Variants in MYO1C observed in about 807,000 individuals in gnomAD.
The protein encoded by MYO1C is unconventional myosin-Ic.
Under a neutral mutation model 150.8 loss-of-function variants are expected in MYO1C, and 104 were observed. The ratio of observed to expected loss-of-function variants is 0.69; its 90% CI spans 0.59 to 0.81. The LOEUF (loss-of-function observed/expected upper bound fraction) is 0.81, where lower values mean the gene tolerates loss of function less well. MYO1C is among the 30% of genes least tolerant of loss of function. MYO1C has a pLI of 0.00. For synonymous variants in MYO1C, 663 were observed against 579.9 expected, an observed-to-expected ratio of 1.14 and a Z score of -2.06; for missense variants, 1,504 against 1,435.0, an observed-to-expected ratio of 1.05 and a Z score of -0.78.
chr17:1,467,238 T>A lies in MYO1C; in HGVS notation c.3165+4A>T. ...CCATAAGCGGGAAAGCAGGCCCCACTCACCACAGCCAGGTGCCCGTTCTTG... is the reference window on the plus strand; with the variant it reads ...CCATAAGCGGGAAAGCAGGCCCCACACACCACAGCCAGGTGCCCGTTCTTG... On this transcript the variant is annotated splice_donor_region_variant and intron_variant, in intron 31 of 31. Transcript: ENST00000648651. The A allele has an allele frequency of 1.9e-6, 3 of 1,610,022 alleles. No individual in the cohort carries two copies. Among genetic ancestry groups the A allele is most frequent in the Non-Finnish European group, 2.5e-6 (3 of 1,178,152 alleles).
Position 1,474,958 on chromosome 17 carries a change from T to TC in MYO1C, c.1648dup (p.Glu550GlyfsTer15). 6.3e-7 allele frequency: 1 copy of TC among 1,582,910 alleles called. No individual in the cohort carries two copies. The highest frequency in any genetic ancestry group is 8.6e-7 in the Non-Finnish European group (1 of 1,163,868). On this transcript the variant is annotated frameshift_variant, in exon 15 of 32. Coordinates refer to ENST00000648651, the MANE Select transcript of MYO1C (RefSeq NM_001080779.2). LOFTEE classifies it high-confidence loss of function. ...CTCACCGGTCACGCTGTAGGTCACCTCCCCCGCATAGTGCAGAAGGCGGAA... is the reference window on the plus strand; with the variant it reads ...CTCACCGGTCACGCTGTAGGTCACCTCCCCCCGCATAGTGCAGAAGGCGGAA...
chr17:1,485,056 T>A (rs1292011697), intron 1 of MYO1C: 3 of 1,204,978 alleles, frequency 2.5e-6, no homozygotes, highest in Admixed American at 2.3e-5. Context: ...TTCCTCCAGC[T>A]GCTGGGCTCC....
intron 17 of MYO1C, among the ~76,000 whole-genome samples, chr17:1,473,150 A>G (rs2074338447): frequency 6.6e-6 from 1 of 152,236 alleles, no homozygotes; most frequent in Non-Finnish European, 1.5e-5. Context: ...CAGTGAGCCG[A>G]GATCGCGCCA....
At chr17:1,489,137 G>A (rs1180839128) in intron 1 of MYO1C, among the ~76,000 whole-genome samples, 1 of 152,224 alleles carries the variant, frequency 6.6e-6, no homozygotes, top group African/African-American at 2.4e-5. Flanking sequence ...TGTCTCACGG[G>A]TGGCACAGAG....
chr17:1,487,343 TG>T (rs2074675431), intron 1 of MYO1C, among the ~76,000 whole-genome samples: 1 of 152,210 alleles, frequency 6.6e-6, no homozygotes, highest in South Asian at 2.1e-4. Flanking sequence ...CTCGCCCTGG[TG>T]GGGTTAGGCA....
chr17:1,474,421 C>T (rs1448375509), intron 17 of MYO1C, among the ~76,000 whole-genome samples, 189 bp downstream of exon 17: 1 of 136,530 alleles, frequency 7.3e-6, no homozygotes, highest in Non-Finnish European at 1.5e-5. Flanking sequence ...GAGCGAGACC[C>T]TGTCTCAAAA....
intron 23 of MYO1C, 43 bp downstream of exon 23, chr17:1,470,392 C>CA: frequency 6.5e-7 from 1 of 1,547,730 alleles, no homozygotes; most frequent in Non-Finnish European, 8.7e-7. Context: ...AACCACCCCC[C>CA]ACGCCCTGCT....
intron 21 of MYO1C, 42 bp downstream of exon 21, chr17:1,471,029 G>C: frequency 6.2e-7 from 1 of 1,600,232 alleles, no homozygotes; most frequent in Non-Finnish European, 8.6e-7. Context: ...CTGCTTCCCA[G>C]AAGGGACCCC....
chr17:1,486,089 G>C (rs1205528973), intron 1 of MYO1C: 1 of 152,844 alleles, frequency 6.5e-6, no homozygotes, highest in Admixed American at 6.5e-5. Context: ...CGGCGGGCCT[G>C]GGCGCTGGGC....
chr17:1,480,498 G>A, intron 7 of MYO1C, 29 bp downstream of exon 7: 1 of 1,569,300 alleles, frequency 6.4e-7, no homozygotes, highest in African/African-American at 1.4e-5. Flanking sequence ...GTGACAGGAG[G>A]AAAGCGAGGG....
chr17:1,472,446 C>T lies in MYO1C; in HGVS notation c.1798-218G>A, dbSNP rs539349905. 69 of 575,486 alleles carry T rather than the reference C, an allele frequency of 1.2e-4. No individual in the cohort carries two copies. The Middle Eastern group carries it at 1.4e-3, about 12-fold the overall frequency. 35.6% of individuals were successfully genotyped at this position (575,486 alleles called of 1,614,324 possible). On this transcript the variant is annotated intron_variant, in intron 17 of 31. Coordinates refer to ENST00000648651, the MANE Select transcript of MYO1C (RefSeq NM_001080779.2). Reference sequence around the variant, plus strand: ...GCGAGAGACCTCAGTCTACGAGCCTCACTCCAGCCTAAAACTCCTGCTCAG... The same window carrying T: ...GCGAGAGACCTCAGTCTACGAGCCTTACTCCAGCCTAAAACTCCTGCTCAG...
intron 22 of MYO1C, 50 bp downstream of exon 22, chr17:1,470,571 C>T (rs372982765): frequency 2.5e-6 from 4 of 1,578,456 alleles, no homozygotes; most frequent in Admixed American, 1.8e-5. Flanking sequence ...CATGGTGGCC[C>T]CCCCTGGCCC....
chr17:1,471,367 CCA>C (rs750573041), intron 19 of MYO1C, 31 bp from the exon 20 acceptor site: 1 of 1,595,474 alleles, frequency 6.3e-7, no homozygotes, highest in South Asian at 1.1e-5. Context: ...GGCTCCCACC[CCA>C]GTCAGCAGCC....
chr17:1,483,771 C>G (rs186439232), intron 2 of MYO1C, 46 bp from the exon 3 acceptor site: 3 of 1,458,356 alleles, frequency 2.1e-6, no homozygotes, highest in African/African-American at 1.4e-5. Flanking sequence ...GGGCCAGGTG[C>G]GATGGCTCAT....
At position 1,469,494 on chromosome 17, in the gene MYO1C, C is replaced by T. The variant is rs537488141; in HGVS notation, c.2610+37G>A. 4.6e-6 allele frequency: 7 copies of T among 1,513,504 alleles called. No homozygotes were observed. The African/African-American group carries it at 1.0e-4, about 22-fold the overall frequency. The allele number at this position is 1,513,504 out of a possible 1,614,324, so 93.8% of individuals were successfully genotyped here. On this transcript the variant is annotated intron_variant, in intron 25 of 31. Coordinates refer to ENST00000648651, the MANE Select transcript of MYO1C (RefSeq NM_001080779.2). ...GAGCAATGCTTGCGACTCCCTGACT[C>T]CACTTCCTCATCCTCACCCAGCCCC...
intron 1 of MYO1C, among the ~76,000 whole-genome samples, chr17:1,490,716 T>G (rs2074719528): frequency 1.3e-5 from 2 of 152,038 alleles, no homozygotes; most frequent in Non-Finnish European, 2.9e-5. Context: ...CACTGCTGCT[T>G]ACCAGGACCC....
chr17:1,482,405 G>A, intron 5 of MYO1C, 73 bp downstream of exon 5: 1 of 1,339,110 alleles, frequency 7.5e-7, no homozygotes, highest in Middle Eastern at 1.8e-4. Flanking sequence ...AATAGTCCCT[G>A]GTACCCAGTA....
chr17:1,481,937 G>A (rs2074531800), intron 5 of MYO1C, among the ~76,000 whole-genome samples: 1 of 151,884 alleles, frequency 6.6e-6, no homozygotes, highest in African/African-American at 2.4e-5. Context: ...CCTCCGTGCT[G>A]TCCTGGAACA....
At chr17:1,483,559 A>AC (rs1175237499) in intron 3 of MYO1C, 51 bp downstream of exon 3, 1 of 1,350,382 alleles carries the variant, frequency 7.4e-7, no homozygotes, top group Non-Finnish European at 1.0e-6. Flanking sequence ...GGGCGGGGTC[A>AC]CCTCAGATGG....
Sources: gnomAD v4.1 joint callset for allele counts (sites outside exome capture counted in the v4.1 genomes callset) on GRCh38, gnomAD v4.1.1 for gene constraint, MANE v1.5 for transcripts, NCBI Gene and HGNC (gene_info 2026-07-23, HGNC 2026-07-21) for gene names.